Variants in ZBTB47 observed in about 807,000 individuals in gnomAD.
ZBTB47 encodes zinc finger and BTB domain containing 47, also known as zinc finger and BTB domain-containing protein 47.
ZBTB47 carries 24 observed loss-of-function variants against 56.6 expected under a neutral mutation model. The observed-to-expected ratio is 0.42, with a 90% confidence interval of 0.31 to 0.60. ZBTB47 has a LOEUF of 0.60. ZBTB47 is among the 20% of genes least tolerant of loss of function. The pLI, the probability that ZBTB47 is intolerant of heterozygous loss-of-function variation, is 0.14. For missense variants in ZBTB47, 829 were observed against 1,032.6 expected (o/e 0.80, Z 2.70); for synonymous variants, 414 against 418.9 (o/e 0.99, Z 0.14).
Position 42,664,718 on chromosome 3 carries a change from G to T in ZBTB47, c.*120G>T. On this transcript the variant is annotated 3_prime_UTR_variant, in exon 6 of 6. Transcript: ENST00000232974. ...CCTGGGCCCTGCTCCACCTCCAGAA[G>T]TGGCTGGATGTACCCTGCCTGAGGC... The T allele has an allele frequency of 8.3e-7, 1 of 1,210,592 alleles. No homozygotes were observed. Among genetic ancestry groups the T allele is most frequent in the Middle Eastern group, 3.0e-4 (1 of 3,362 alleles). 75.0% of individuals were successfully genotyped at this position (1,210,592 alleles called of 1,614,324 possible).
At chr3:42,661,030 T>C (rs1006685464) in intron 2 of ZBTB47, among the ~76,000 whole-genome samples, 1 of 152,190 alleles carries the variant, frequency 6.6e-6, no homozygotes, top group Non-Finnish European at 1.5e-5. Flanking sequence ...ACTCATCCTC[T>C]TGGCGATATT....
chr3:42,652,951 C>A (rs1002492854), upstream of ZBTB47, among the ~76,000 whole-genome samples: 1 of 152,240 alleles, frequency 6.6e-6, no homozygotes, highest in African/African-American at 2.4e-5. Context: ...CCTCAGCGGG[C>A]TAGCTGGTCA....
rs978976388 is a variant in ZBTB47 at position 42,656,514 on chromosome 3, A to G, written c.-81-1761A>G. Reference sequence around the variant, plus strand: ...TCCCAGTTAGATTGGCCAGGCCTGGACAGCCTGGGACAGAGGGAGATGGAT... The same window carrying G: ...TCCCAGTTAGATTGGCCAGGCCTGGGCAGCCTGGGACAGAGGGAGATGGAT... On this transcript the variant is annotated intron_variant, in intron 1 of 5. Coordinates refer to ENST00000232974, the MANE Select transcript of ZBTB47 (RefSeq NM_145166.4). This position sits in a 1 kb window ranked among gnomAD's most constrained non-coding sequence, Gnocchi z 5.8. Among the ~76,000 whole-genome samples, 5 of 152,132 alleles carry G rather than the reference A, an allele frequency of 3.3e-5. No homozygotes were observed. Among genetic ancestry groups the G allele is most frequent in the African/African-American group, 1.2e-4 (5 of 41,426 alleles).
Position 42,658,797 on chromosome 3 carries a change from AC to A in ZBTB47, c.446del (p.Pro149GlnfsTer90). 1 of 1,532,552 alleles carries A rather than the reference AC, an allele frequency of 6.5e-7. No homozygotes were observed. The allele number at this position is 1,532,552 out of a possible 1,614,324, so 94.9% of individuals were successfully genotyped here. On this transcript the variant is annotated frameshift_variant, in exon 2 of 6. Coordinates refer to ENST00000232974, the MANE Select transcript of ZBTB47 (RefSeq NM_145166.4). LOFTEE classifies it high-confidence loss of function. ...CTGTGACATCAAGCAGGAGGCCGAC[AC>A]CCCAGGCCTGCCCAAGATCTATGCC... ...YYCDIKQEAD[T>X]PGLPKIYARE... is the part of the protein sequence containing the mutation.
At position 42,663,784 on chromosome 3, in the gene ZBTB47, A is replaced by C. The variant is rs773441443; in HGVS notation, c.1738-13A>C. ...CTCTGTGCCTGGGCCTCACCCCCAA[A>C]CCCCACCCCCAGAACTGCAATGAGC... On this transcript the variant is annotated splice_polypyrimidine_tract_variant and intron_variant, in intron 4 of 5. Coordinates refer to ENST00000232974, the MANE Select transcript of ZBTB47 (RefSeq NM_145166.4). This position sits in a 1 kb window ranked among gnomAD's most constrained non-coding sequence, Gnocchi z 5.1. 9.6e-5 allele frequency: 155 copies of C among 1,611,062 alleles called. 1 individual carries two copies. Among genetic ancestry groups the C allele is most frequent in the African/African-American group, 5.4e-5 (4 of 74,274 alleles).
In ZBTB47 at chr3:42,664,548, C is replaced by T. The variant is rs576416434; in HGVS notation, c.2194C>T (p.Leu732Phe). 2 of 1,421,636 alleles carry T rather than the reference C, an allele frequency of 1.4e-6. No individual in the cohort carries two copies. Among genetic ancestry groups the T allele is most frequent in the South Asian group, 1.5e-5 (1 of 65,876 alleles). 88.1% of individuals were successfully genotyped at this position (1,421,636 alleles called of 1,614,324 possible). Reference protein sequence around the residue: ...PPPHLPPPPPLFPTTASPGGR... With the variant: ...PPPHLPPPPPFFPTTASPGGR... ...GCCCCACCTGCCGCCCCCGCCTCCG[C>T]TCTTCCCCACCACTGCCAGCCCCGG... Residue 732 changes from leucine to phenylalanine, a missense_variant, in exon 6 of 6, where the codon CTC becomes TTC. Transcript: ENST00000232974.
rs1490229215 is a variant in ZBTB47, at chr3:42,659,700, T to A, written c.1345T>A (p.Trp449Arg). The A allele has an allele frequency of 1.2e-6, 2 of 1,613,492 alleles. No homozygotes were observed. The highest frequency in any genetic ancestry group is 2.7e-5 in the African/African-American group (2 of 74,938). ...QKCPRVFNNR[W>R]YLEKHMNVTH... is the part of the protein sequence containing the mutation. ...GTGCCCACGAGTTTTCAACAACCGC[T>A]GGTACCTGGAGAAACACATGAATGT... is the stretch of plus-strand genomic sequence containing the variant. Residue 449 changes from tryptophan (W) to arginine (R), a missense_variant, in exon 2 of 6, where the codon TGG becomes AGG. Trp to Arg is a moderately radical substitution (Grantham distance 101). Coordinates refer to ENST00000232974, the MANE Select transcript of ZBTB47 (RefSeq NM_145166.4).
rs1467094286 is a variant in ZBTB47 at position 42,654,247 on chromosome 3, G to A, written c.-82+364G>A. On this transcript the variant is annotated intron_variant, in intron 1 of 5. Coordinates refer to ENST00000232974, the MANE Select transcript of ZBTB47 (RefSeq NM_145166.4). The surrounding 1 kb of genome is among the most constrained non-coding windows in gnomAD (Gnocchi z 5.0). ...CCGGCAGAAAGGAGGCTCAGCACGG[G>A]AGGGTGGGGCCGGGGTCTATCTGCT... 1 of 151,850 alleles carries A rather than the reference G, an allele frequency of 6.6e-6. No individual in the cohort carries two copies. Among genetic ancestry groups the A allele is most frequent in the Non-Finnish European group, 1.5e-5 (1 of 67,918 alleles). The allele number at this position is 151,850 out of a possible 1,614,324, so 9.4% of individuals were successfully genotyped here.
Position 42,659,516 on chromosome 3 carries a change from C to T in ZBTB47, c.1161C>T (p.Arg387=), listed in dbSNP as rs994742573. The T allele has an allele frequency of 4.5e-6, 7 of 1,543,800 alleles. No individual in the cohort carries two copies. Among genetic ancestry groups the T allele is most frequent in the African/African-American group, 4.1e-5 (3 of 72,582 alleles). The change falls in exon 2 of 6, where the codon CGC becomes CGT. Residue 387 remains arginine, a synonymous_variant. Transcript: ENST00000232974. ...MATRSRENAR[R]RGTPEPEEAG... ...CACGGTCCCGGGAGAACGCCCGGCG[C>T]CGGGGTACCCCTGAACCTGAAGAAG...
chr3:42,667,528 C>T lies in ZBTB47; in HGVS notation c.*2930C>T, dbSNP rs1447236090. On this transcript the variant is annotated 3_prime_UTR_variant, in exon 6 of 6. Transcript: ENST00000232974. Reference sequence around the variant, plus strand: ...CCCCACAGCCCCAGAGCATGGGGCACAGCAGGCATGCGAGTGAGAGGATGA... The same window carrying T: ...CCCCACAGCCCCAGAGCATGGGGCATAGCAGGCATGCGAGTGAGAGGATGA... Among the ~76,000 whole-genome samples the T allele has an allele frequency of 6.6e-6, 1 of 152,212 alleles. No individual in the cohort carries two copies. The highest frequency in any genetic ancestry group is 1.5e-5 in the Non-Finnish European group (1 of 68,036).
At position 42,661,594 on chromosome 3, in the gene ZBTB47, A is replaced by T; in HGVS notation, c.1583A>T (p.Lys528Met). 1 of 1,614,082 alleles carries T rather than the reference A, an allele frequency of 6.2e-7. No homozygotes were observed. The highest frequency in any genetic ancestry group is 8.5e-7 in the Non-Finnish European group (1 of 1,179,900). Residue 528 changes from lysine (K) to methionine (M), a missense_variant, in exon 3 of 6, where the codon AAG becomes ATG. This residue lies in a region of ZBTB47 where 187 missense variants were observed against 253.1 expected (regional missense o/e 0.74). Transcript: ENST00000232974. ...TTCTCATGCGAGATCTGTGAGAAGA[A>T]GTTCTACACCATGGCCCACGTGCGT... ...KKFSCEICEK[K>M]FYTMAHVRKH...
chr3:42,666,198 A>G lies in ZBTB47; in HGVS notation c.*1600A>G, dbSNP rs1221738606. Among the ~76,000 whole-genome samples, 1 of 152,248 alleles carries G rather than the reference A, an allele frequency of 6.6e-6. No individual in the cohort carries two copies. Among genetic ancestry groups the G allele is most frequent in the African/African-American group, 2.4e-5 (1 of 41,462 alleles). On this transcript the variant is annotated 3_prime_UTR_variant, in exon 6 of 6. Transcript: ENST00000232974. ...GTGCCCGAGTGATCTGAGGATTTATAATCCAAGCCACACCACCCTGGTTGT... is the reference window on the plus strand; with the variant it reads ...GTGCCCGAGTGATCTGAGGATTTATGATCCAAGCCACACCACCCTGGTTGT...
Position 42,656,255 on chromosome 3 carries a change from G to A in ZBTB47, c.-81-2020G>A, listed in dbSNP as rs1710640773. Among the ~76,000 whole-genome samples, 1 of 152,200 alleles carries A rather than the reference G, an allele frequency of 6.6e-6. No individual in the cohort carries two copies. Among genetic ancestry groups the A allele is most frequent in the Admixed American group, 6.5e-5 (1 of 15,288 alleles). On this transcript the variant is annotated intron_variant, in intron 1 of 5. Coordinates refer to ENST00000232974, the MANE Select transcript of ZBTB47 (RefSeq NM_145166.4). The surrounding 1 kb of genome is among the most constrained non-coding windows in gnomAD (Gnocchi z 5.8). ...TGGTGAGTGTGGGGAAGCACGGCTG[G>A]TCTCCAGGTGGCGGGATGTTCTCGC...
chr3:42,658,859 G>A lies in ZBTB47; in HGVS notation c.504G>A (p.Glu168=). ...CTGACCCTTACTCGGTGCGTGTTGA[G>A]GACGGGGCAGGGACTGCTGGTGGCA... ...EGPDPYSVRV[E]DGAGTAGGTV... is the part of the protein sequence containing the mutation. The change falls in exon 2 of 6, where the codon GAG becomes GAA. Residue 168 remains glutamate (E), a synonymous_variant. Transcript: ENST00000232974. 6.5e-7 allele frequency: 1 copy of A among 1,528,450 alleles called. No homozygotes were observed. The highest frequency in any genetic ancestry group is 1.2e-5 in the South Asian group (1 of 82,752). The allele number at this position is 1,528,450 out of a possible 1,614,324, so 94.7% of individuals were successfully genotyped here. A position where few individuals can be genotyped will look rare whatever the true frequency, so the allele number is the denominator to read the frequency against.
At chr3:42,662,423 G>T (rs1377605155) in intron 3 of ZBTB47, among the ~76,000 whole-genome samples, 1 of 152,242 alleles carries the variant, frequency 6.6e-6, no homozygotes, top group African/African-American at 2.4e-5. Flanking sequence ...CTGTGAGCTT[G>T]AAGGTGAGCC....
rs183812160 is a variant in ZBTB47, at chr3:42,658,024, T to C, written c.-81-251T>C. 1.8e-3 allele frequency among the ~76,000 whole-genome samples: 270 copies of C among 152,336 alleles called. 1 individual carries two copies. Among genetic ancestry groups the C allele is most frequent in the African/African-American group, 6.2e-3 (256 of 41,576 alleles). On this transcript the variant is annotated intron_variant, in intron 1 of 5. Transcript: ENST00000232974. ...ATGACTTTTCCCATTTCCCAGGAGA[T>C]GACCCAGAGGCCCAGAAAGTGACAG...
At position 42,658,751 on chromosome 3, in the gene ZBTB47, T is replaced by C. The variant is rs1158852479; in HGVS notation, c.396T>C (p.Thr132=). 1 of 1,532,186 alleles carries C rather than the reference T, an allele frequency of 6.5e-7. No individual in the cohort carries two copies. The allele number at this position is 1,532,186 out of a possible 1,614,324, so 94.9% of individuals were successfully genotyped here. A position where few individuals can be genotyped will look rare whatever the true frequency, so the allele number is the denominator to read the frequency against. The change falls in exon 2 of 6, where the codon ACT becomes ACC. Residue 132 remains threonine (T), a synonymous_variant. Coordinates refer to ENST00000232974, the MANE Select transcript of ZBTB47 (RefSeq NM_145166.4). ...TGGCCCAGCCGGCTGCCAGCTGCAC[T>C]CCAGCTGCGCCGCCCTACTACTGTG... ...VALAQPAASC[T]PAAPPYYCDI...
At position 42,666,898 on chromosome 3, in the gene ZBTB47, C is replaced by A. The variant is rs953887547; in HGVS notation, c.*2300C>A. On this transcript the variant is annotated 3_prime_UTR_variant, in exon 6 of 6. Transcript: ENST00000232974. The stretch of plus-strand genomic sequence containing the variant: ...CTCTAGGTGGGCACAACCAACCCCT[C>A]TCCTGGGAGGCCCCTGCCCCACTGG... Among the ~76,000 whole-genome samples, 8 of 152,204 alleles carry A rather than the reference C, an allele frequency of 5.3e-5. No homozygotes were observed. Among genetic ancestry groups the A allele is most frequent in the Admixed American group, 3.3e-4 (5 of 15,290 alleles).
upstream of ZBTB47, among the ~76,000 whole-genome samples, chr3:42,653,202 C>T (rs1247803783): frequency 6.6e-6 from 1 of 152,178 alleles, no homozygotes; most frequent in Non-Finnish European, 1.5e-5. Context: ...ACAGGACAGA[C>T]CATCAGGCTG....
Sources: allele counts gnomAD v4.1 joint callset (sites outside exome capture counted in the v4.1 genomes callset), GRCh38; gene constraint gnomAD v4.1.1; regional missense constraint gnomAD v4.1.1; non-coding constraint Gnocchi (gnomAD v3.1); transcripts MANE v1.5; gene names NCBI Gene and HGNC (gene_info 2026-07-23, HGNC 2026-07-21).